Variants in DCLK2 observed in about 807,000 individuals in gnomAD.
The protein encoded by DCLK2 is doublecortin like kinase 2, also known as serine/threonine-protein kinase DCLK2.
In DCLK2, 31 loss-of-function variants were observed where a neutral mutation model predicts 78.4. That is an observed-to-expected ratio of 0.40 (90% confidence interval 0.30 to 0.53). The LOEUF is 0.53. Ranked by LOEUF, DCLK2 falls within the 20% of genes least tolerant of loss-of-function variation. The pLI is 0.61. For synonymous variants in DCLK2, 407 were observed against 374.9 expected (o/e 1.09, Z -0.99); for missense variants, 872 against 973.7 (o/e 0.90, Z 1.39).
At chr4:150,152,376 G>A (rs1055133141) in intron 2 of DCLK2, among the ~76,000 whole-genome samples, 3 of 152,138 alleles carry the variant, frequency 2.0e-5, no homozygotes, top group East Asian at 1.9e-4. Flanking sequence ...CCACCTCCCC[G>A]GTTCAAGAGA....
Position 150,175,009 on chromosome 4 carries a change from AAAATAT to A in DCLK2, c.757-18127_757-18122del, listed in dbSNP as rs1238796610. On this transcript the variant is annotated intron_variant, in intron 2 of 15. Transcript: ENST00000296550. ...TGAGACTCCGTCGCAAAAAAAAAAA[AAAATAT>A]ATATATATATATATATATTTATATA... Among the ~76,000 whole-genome samples the A allele has an allele frequency of 2.8e-3, 42 of 14,766 alleles. 11 individuals carry two copies. Among genetic ancestry groups the A allele is most frequent in the African/African-American group, 7.3e-3 (40 of 5,480 alleles). 9.7% of individuals were successfully genotyped at this position (14,766 alleles called of 152,430 possible). A position where few individuals can be genotyped will look rare whatever the true frequency, so the allele number is the denominator to read the frequency against.
intron 2 of DCLK2, among the ~76,000 whole-genome samples, chr4:150,113,665 T>C (rs567496487): frequency 1.3e-5 from 2 of 151,820 alleles, no homozygotes; most frequent in Non-Finnish European, 1.5e-5. Context: ...TAGCTAATGG[T>C]TAATTTTTGT....
intron 10 of DCLK2, among the ~76,000 whole-genome samples, chr4:150,235,845 G>A (rs371108553): frequency 4.6e-5 from 7 of 152,170 alleles, no homozygotes; most frequent in African/African-American, 9.7e-5. Flanking sequence ...TTTGCATCCC[G>A]CTCTCCGGTA....
chr4:150,131,240 A>G (rs1733289899), intron 2 of DCLK2, among the ~76,000 whole-genome samples: 2 of 152,144 alleles, frequency 1.3e-5, no homozygotes, highest in South Asian at 4.1e-4. Context: ...GTGTTAAGGC[A>G]GAAAAAAAGC....
intron 2 of DCLK2, among the ~76,000 whole-genome samples, chr4:150,135,147 C>A (rs930808987): frequency 6.9e-6 from 1 of 145,208 alleles, no homozygotes; most frequent in Non-Finnish European, 1.5e-5. Context: ...AAAAAAACAC[C>A]TGCCTCTCAT....
chr4:150,079,664 G>A (rs562454329), intron 1 of DCLK2, among the ~76,000 whole-genome samples: 30 of 152,354 alleles, frequency 2.0e-4, no homozygotes, highest in Non-Finnish European at 3.7e-4. Context: ...TCTTAAAGAA[G>A]GAAAAAATTT....
intron 2 of DCLK2, among the ~76,000 whole-genome samples, chr4:150,186,295 A>G (rs1737929481): frequency 6.6e-6 from 1 of 152,220 alleles, no homozygotes; most frequent in Non-Finnish European, 1.5e-5. Flanking sequence ...TTTAAAAAAT[A>G]AATGGTAAAA....
chr4:150,164,195 C>G (rs1735903507), intron 2 of DCLK2, among the ~76,000 whole-genome samples: 1 of 152,172 alleles, frequency 6.6e-6, no homozygotes, highest in Non-Finnish European at 1.5e-5. Context: ...TGATTTTAAC[C>G]CCAGCTGCTA....
intron 2 of DCLK2, among the ~76,000 whole-genome samples, chr4:150,175,825 C>T (rs1737047668): frequency 6.6e-6 from 1 of 152,178 alleles, no homozygotes. Flanking sequence ...GTGGAAGTGG[C>T]CCTGCCTCTT....
In DCLK2 at chr4:150,156,452, G is replaced by C. The variant is rs942615853; in HGVS notation, c.757-36686G>C. Among the ~76,000 whole-genome samples the C allele has an allele frequency of 2.0e-5, 3 of 151,502 alleles. No individual in the cohort carries two copies. The Admixed American group carries it at 2.0e-4, about 10-fold the overall frequency. ...GCTTGATCCCAGGAGTTAAAAACCA[G>C]ATGGGGCAACATAGTGAGGCCGTCT... On this transcript the variant is annotated intron_variant, in intron 2 of 15. Coordinates refer to ENST00000296550, the MANE Select transcript of DCLK2 (RefSeq NM_001040260.4).
chr4:150,232,539 C>G, intron 9 of DCLK2, 83 bp downstream of exon 9: 1 of 1,551,562 alleles, frequency 6.4e-7, no homozygotes, highest in Non-Finnish European at 8.8e-7. Context: ...AAGTGTATTG[C>G]TACCTCATAA....
At chr4:150,101,537 T>C (rs1730891502) in intron 1 of DCLK2, among the ~76,000 whole-genome samples, 1 of 152,166 alleles carries the variant, frequency 6.6e-6, no homozygotes, top group Admixed American at 6.5e-5. Flanking sequence ...GGATTCTTTT[T>C]AGAAAAACCT....
chr4:150,193,347 G>A (rs762156792), intron 3 of DCLK2, 107 bp downstream of exon 3: 6 of 611,742 alleles, frequency 9.8e-6, no homozygotes, highest in East Asian at 2.7e-5. Context: ...CTGACATGTT[G>A]AGGAAAGATA....
At chr4:150,210,948 CA>C (rs1406606300) in intron 5 of DCLK2, among the ~76,000 whole-genome samples, 29 of 80,400 alleles carry the variant, frequency 3.6e-4, no homozygotes, top group East Asian at 6.1e-4. Flanking sequence ...GACTCTGTCT[CA>C]AAAAAAAAAA....
chr4:150,178,945 C>A (rs1397081920), intron 2 of DCLK2, among the ~76,000 whole-genome samples: 1 of 152,118 alleles, frequency 6.6e-6, no homozygotes, highest in Non-Finnish European at 1.5e-5. Flanking sequence ...TCTTTTGATA[C>A]AAGATACATC....
At chr4:150,230,196 A>G (rs761810372) in intron 8 of DCLK2, among the ~76,000 whole-genome samples, 13 of 152,222 alleles carry the variant, frequency 8.5e-5, no homozygotes, top group Non-Finnish European at 1.9e-4. Context: ...TTGCTGCAGT[A>G]TTTGAAAGGT....
intron 1 of DCLK2, among the ~76,000 whole-genome samples, chr4:150,083,541 C>T (rs1370039923): frequency 2.0e-5 from 3 of 152,116 alleles, no homozygotes; most frequent in Admixed American, 6.5e-5. Flanking sequence ...AACCAAAATA[C>T]GTTTCTGAGA....
intron 1 of DCLK2, among the ~76,000 whole-genome samples, chr4:150,094,930 T>C: frequency 6.6e-6 from 1 of 152,184 alleles, no homozygotes; most frequent in East Asian, 1.9e-4. Flanking sequence ...TTCCAGTGAT[T>C]GGCTTAGTTG....
intron 14 of DCLK2, among the ~76,000 whole-genome samples, chr4:150,248,697 C>T (rs957083499): frequency 3.3e-5 from 5 of 152,092 alleles, no homozygotes; most frequent in African/African-American, 9.7e-5. Flanking sequence ...TCGTCTTCTG[C>T]GGTTTGGGGT....
Sources: allele counts gnomAD v4.1 joint callset (sites outside exome capture counted in the v4.1 genomes callset), GRCh38; gene constraint gnomAD v4.1.1; transcripts MANE v1.5; gene names NCBI Gene and HGNC (gene_info 2026-07-23, HGNC 2026-07-21).